The following TC2N variants were observed in gnomAD, a reference collection of about 807,000 sequenced individuals.
TC2N encodes the protein tandem C2 domains, nuclear, also known as tandem C2 domains nuclear protein.
Under a neutral mutation model 61.9 loss-of-function variants are expected in TC2N, and 51 were observed. That is an observed-to-expected ratio of 0.82 (90% CI 0.66 to 1.04). The LOEUF is 1.04. TC2N is among the 50% of genes least tolerant of loss of function. The pLI is 0.00. For missense variants in TC2N, 556 were observed against 566.7 expected, an observed-to-expected ratio of 0.98 and a Z score of 0.19; for synonymous variants, 204 against 192.6, an observed-to-expected ratio of 1.06 and a Z score of -0.49.
Position 91,837,176 on chromosome 14 carries a change from T to A in TC2N, c.-56-23351A>T, listed in dbSNP as rs540829745. On this transcript the variant is annotated intron_variant, in intron 1 of 11. Transcript: ENST00000435962. The surrounding 1 kb of genome is among the most constrained non-coding windows in gnomAD (Gnocchi z 4.2). The stretch of plus-strand genomic sequence containing the variant: ...CCTTGGTGGAAATCTCAACACTGCT[T>A]GGAAATGAGTTTCCTAGACTGTCTG... 6.6e-6 allele frequency among the ~76,000 whole-genome samples: 1 copy of A among 152,322 alleles called. No individual in the cohort carries two copies. The highest frequency in any genetic ancestry group is 1.5e-5 in the Non-Finnish European group (1 of 68,030).
intron 3 of TC2N, among the ~76,000 whole-genome samples, chr14:91,807,557 T>C (rs1211977324): frequency 2.6e-5 from 4 of 152,250 alleles, no homozygotes; most frequent in Non-Finnish European, 4.4e-5. Context: ...TGGACTTGCA[T>C]GGGGCCCTTA....
At chr14:91,828,864 T>C (rs868551306) in intron 1 of TC2N, among the ~76,000 whole-genome samples, 1 of 152,066 alleles carries the variant, frequency 6.6e-6, no homozygotes, top group African/African-American at 2.4e-5. Context: ...GTTCAGCTTT[T>C]ATTTTTTAAC....
Position 91,826,144 on chromosome 14 carries a change from C to A in TC2N, c.-56-12319G>T, listed in dbSNP as rs190191444. The stretch of plus-strand genomic sequence containing the variant: ...GACCAGCCTGTACAATATAGGGAGA[C>A]CCCTATCTCTACAAAAAATTAAAAA... On this transcript the variant is annotated intron_variant, in intron 1 of 11. Coordinates refer to ENST00000435962, the MANE Select transcript of TC2N (RefSeq NM_001128596.3). 2.9e-4 allele frequency among the ~76,000 whole-genome samples: 44 copies of A among 151,908 alleles called. 1 individual carries two copies. The East Asian group carries it at 6.2e-3, about 21-fold the overall frequency.
chr14:91,816,466 GTTGGTCTT>G (rs1566776351), intron 1 of TC2N, among the ~76,000 whole-genome samples: 1 of 151,752 alleles, frequency 6.6e-6, no homozygotes, highest in Non-Finnish European at 1.5e-5. Context: ...TCATAAAGCT[GTTGGTCTT>G]TTTCTTCTCC....
intron 1 of TC2N, among the ~76,000 whole-genome samples, chr14:91,834,886 G>T (rs1422433798): frequency 6.6e-6 from 1 of 152,116 alleles, no homozygotes; most frequent in African/African-American, 2.4e-5. Flanking sequence ...TTACTTGAAT[G>T]ATTTCTTACA....
intron 1 of TC2N, chr14:91,836,178 C>T (rs894904427): frequency 2.6e-5 from 4 of 152,780 alleles, no homozygotes; most frequent in African/African-American, 9.6e-5. Context: ...AGAACTGACA[C>T]TCACCTCCAG....
chr14:91,862,148 G>T (rs1888603498), intron 1 of TC2N, among the ~76,000 whole-genome samples: 1 of 151,400 alleles, frequency 6.6e-6, no homozygotes. Flanking sequence ...GACCGGCCTG[G>T]GCAACATGGC....
chr14:91,807,315 C>T (rs1886556216), intron 3 of TC2N, among the ~76,000 whole-genome samples: 1 of 152,200 alleles, frequency 6.6e-6, no homozygotes, highest in Admixed American at 6.5e-5. Context: ...CCTCCAGACC[C>T]CAGAATGGTA....
At position 91,782,238 on chromosome 14, in the gene TC2N, T is replaced by C. The variant is rs963290639; in HGVS notation, c.*862A>G. The C allele has an allele frequency of 6.6e-6, 1 of 152,134 alleles. No homozygotes were observed. The highest frequency in any genetic ancestry group is 6.5e-5 in the Admixed American group (1 of 15,286). The allele number at this position is 152,134 out of a possible 1,614,324, so 9.4% of individuals were successfully genotyped here. A position where few individuals can be genotyped will look rare whatever the true frequency, so the allele number is the denominator to read the frequency against. ...GAAAATACTCAAACACGGTAAATTA[T>C]AGAATAATCTAAATTTTAAAAACTA... On this transcript the variant is annotated 3_prime_UTR_variant, in exon 12 of 12. Coordinates refer to ENST00000435962, the MANE Select transcript of TC2N (RefSeq NM_001128596.3).
At chr14:91,826,307 G>A (rs1488003162) in intron 1 of TC2N, among the ~76,000 whole-genome samples, 11 of 112,714 alleles carry the variant, frequency 9.8e-5, no homozygotes, top group African/African-American at 1.4e-4. Context: ...GTGACAGGGT[G>A]AGACCTTGTC....
chr14:91,827,636 A>T (rs976337543), intron 1 of TC2N, among the ~76,000 whole-genome samples: 2 of 152,272 alleles, frequency 1.3e-5, no homozygotes, highest in South Asian at 4.1e-4. Context: ...CCTAAATCAC[A>T]TCTGTAAAGT....
intron 1 of TC2N, among the ~76,000 whole-genome samples, chr14:91,862,814 T>A (rs566572030): frequency 6.6e-6 from 1 of 152,230 alleles, no homozygotes; most frequent in African/African-American, 2.4e-5. Flanking sequence ...TGAAAAATGA[T>A]GTCCCGGATT....
At position 91,781,008 on chromosome 14, in the gene TC2N, A is replaced by C. The variant is rs1425955476; in HGVS notation, c.*2092T>G. 1.3e-5 allele frequency: 2 copies of C among 152,138 alleles called. No individual in the cohort carries two copies. Among genetic ancestry groups the C allele is most frequent in the Admixed American group, 6.5e-5 (1 of 15,286 alleles). 9.4% of individuals were successfully genotyped at this position (152,138 alleles called of 1,614,324 possible). ...GTTTTATTTACCTAGGATTCTAAGA[A>C]ACTGAGAAGTCATAGCTTTCCCTTA... On this transcript the variant is annotated 3_prime_UTR_variant, in exon 12 of 12. Coordinates refer to ENST00000435962, the MANE Select transcript of TC2N (RefSeq NM_001128596.3).
At chr14:91,799,478 T>C (rs1886109626) in intron 5 of TC2N, among the ~76,000 whole-genome samples, 1 of 152,062 alleles carries the variant, frequency 6.6e-6, no homozygotes, top group Non-Finnish European at 1.5e-5. Context: ...TTGGTAGCAA[T>C]ACAAACTCAG....
intron 11 of TC2N, among the ~76,000 whole-genome samples, chr14:91,783,689 T>C (rs1885230484): frequency 2.0e-5 from 3 of 152,124 alleles, no homozygotes; most frequent in South Asian, 2.1e-4. Context: ...TCTTGATCAA[T>C]AGTAATTTCA....
At chr14:91,853,628 G>A (rs1180755925) in intron 1 of TC2N, among the ~76,000 whole-genome samples, 1 of 88,042 alleles carries the variant, frequency 1.1e-5, no homozygotes, top group Non-Finnish European at 2.2e-5. Flanking sequence ...TCTCTGCTTG[G>A]ATTTTTTTTT....
intron 1 of TC2N, among the ~76,000 whole-genome samples, chr14:91,827,691 G>A (rs1414150064): frequency 1.3e-5 from 2 of 152,138 alleles, no homozygotes; most frequent in Admixed American, 1.3e-4. Flanking sequence ...TGGGAATTAG[G>A]ACATGGTAAT....
chr14:91,812,770 G>C (rs1310322814), intron 2 of TC2N, among the ~76,000 whole-genome samples: 1 of 151,852 alleles, frequency 6.6e-6, no homozygotes, highest in Non-Finnish European at 1.5e-5. Context: ...TATCATAATG[G>C]TAAAAGCAGC....
intron 1 of TC2N, among the ~76,000 whole-genome samples, chr14:91,862,180 A>C (rs1486060443): frequency 6.6e-6 from 1 of 151,450 alleles, no homozygotes; most frequent in Non-Finnish European, 1.5e-5. Context: ...TCTACCAAAA[A>C]TACAAAAAAA....
Sources: allele counts gnomAD v4.1 joint callset (sites outside exome capture counted in the v4.1 genomes callset), GRCh38; gene constraint gnomAD v4.1.1; non-coding constraint Gnocchi (gnomAD v3.1); transcripts MANE v1.5; gene names NCBI Gene and HGNC (gene_info 2026-07-23, HGNC 2026-07-21).